Variants in TNPO1 observed in about 807,000 individuals in gnomAD.
The protein encoded by TNPO1 is transportin-1.
TNPO1 carries 8 observed loss-of-function variants against 119.5 expected under a neutral mutation model. The observed-to-expected ratio is 0.07, with a 90% CI of 0.04 to 0.12. TNPO1 has a LOEUF of 0.12. TNPO1 is among the 10% of genes least tolerant of loss of function. The probability of loss-of-function intolerance (pLI) is 1.00; values close to 1 mark genes in which losing one functional copy is unlikely to be tolerated. For synonymous variants in TNPO1, 362 were observed against 363.0 expected, an observed-to-expected ratio of 1.00 and a Z score of 0.03; for missense variants, 576 against 1,089.8, an observed-to-expected ratio of 0.53 and a Z score of 6.64.
At chr5:72,867,954 G>A (rs981249494) in intron 6 of TNPO1, among the ~76,000 whole-genome samples, 22 of 152,124 alleles carry the variant, frequency 1.4e-4, no homozygotes, top group African/African-American at 5.3e-4. Flanking sequence ...CATTAATGAT[G>A]TTGAAGATCT....
chr5:72,820,037 G>T lies in TNPO1; in HGVS notation c.15+3285G>T, dbSNP rs116105531. 1.9e-3 allele frequency among the ~76,000 whole-genome samples: 283 copies of T among 152,098 alleles called. 3 individuals are homozygous for T. The highest frequency in any genetic ancestry group is 6.5e-3 in the African/African-American group (271 of 41,488). ...TAGTAACTACTGTAAGCCCTTTTGCGCATTTCCTTCCAATGTTTTTTTCTG... is the reference window on the plus strand; with the variant it reads ...TAGTAACTACTGTAAGCCCTTTTGCTCATTTCCTTCCAATGTTTTTTTCTG... On this transcript the variant is annotated intron_variant, in intron 1 of 24. Transcript: ENST00000337273.
chr5:72,818,732 T>A lies in TNPO1; in HGVS notation c.15+1980T>A, dbSNP rs556718532. Among the ~76,000 whole-genome samples, 6 of 152,344 alleles carry A rather than the reference T, an allele frequency of 3.9e-5. No individual in the cohort carries two copies. The South Asian group carries it at 1.0e-3, about 26-fold the overall frequency. On this transcript the variant is annotated intron_variant, in intron 1 of 24. Coordinates refer to ENST00000337273, the MANE Select transcript of TNPO1 (RefSeq NM_002270.4). ...TGAATACATATTGGTGCTAAAAAGA[T>A]ATCTTCCCCCCTCAAAACAGTTTGG...
chr5:72,870,158 C>CT (rs200118076), intron 6 of TNPO1, among the ~76,000 whole-genome samples: 14,738 of 105,790 alleles, frequency 0.14, 1,892 homozygotes, highest in East Asian at 0.33. Context: ...ATACTAATTG[C>CT]TTTTTTTTTT....
chr5:72,848,197 G>A, intron 1 of TNPO1, 188 bp from the exon 2 acceptor site: 3 of 1,241,444 alleles, frequency 2.4e-6, no homozygotes, highest in East Asian at 3.5e-5. Context: ...GGGCTGCCAG[G>A]AGCAGTTCCG....
intron 1 of TNPO1, among the ~76,000 whole-genome samples, chr5:72,842,995 G>A (rs1744980681): frequency 6.6e-6 from 1 of 152,120 alleles, no homozygotes; most frequent in African/African-American, 2.4e-5. Flanking sequence ...TCCTAACTGG[G>A]TTAGCATAAT....
At chr5:72,895,464 G>A (rs1749363214) in intron 18 of TNPO1, among the ~76,000 whole-genome samples, 1 of 151,566 alleles carries the variant, frequency 6.6e-6, no homozygotes, top group Non-Finnish European at 1.5e-5. Context: ...GAGACATTTT[G>A]TTTGATGCTG....
chr5:72,876,439 T>G (rs1747779477), intron 8 of TNPO1, among the ~76,000 whole-genome samples: 1 of 152,212 alleles, frequency 6.6e-6, no homozygotes, highest in Non-Finnish European at 1.5e-5. Context: ...GAGAAATCTA[T>G]TTTGTTGAGA....
intron 21 of TNPO1, 110 bp from the exon 22 acceptor site, chr5:72,900,864 T>TATA (rs1489971494): frequency 3.4e-6 from 2 of 591,730 alleles, no homozygotes; most frequent in Non-Finnish European, 5.3e-6. Context: ...ACTCTTTTAA[T>TATA]ATAATCATTA....
intron 1 of TNPO1, 111 bp from the exon 2 acceptor site, chr5:72,848,274 T>C (rs1006274280): frequency 6.8e-6 from 9 of 1,327,408 alleles, no homozygotes; most frequent in Non-Finnish European, 8.8e-6. Flanking sequence ...TGGGGAGCGC[T>C]GGGGTTGTGG....
chr5:72,829,766 T>G (rs2112185266), intron 1 of TNPO1, among the ~76,000 whole-genome samples: 1 of 152,304 alleles, frequency 6.6e-6, no homozygotes, highest in East Asian at 1.9e-4. Flanking sequence ...ATGCAGAGAA[T>G]TGAGACAAGA....
Position 72,875,837 on chromosome 5 carries a change from G to T in TNPO1, c.801+100G>T, listed in dbSNP as rs537832398. On this transcript the variant is annotated intron_variant, in intron 8 of 24. Coordinates refer to ENST00000337273, the MANE Select transcript of TNPO1 (RefSeq NM_002270.4). ...CGGATGGGAAGGGGACTATAAAATA[G>T]TTATAATTGTCTTAAAATTATAAGT... is the stretch of plus-strand genomic sequence containing the variant. 1.0e-4 allele frequency: 133 copies of T among 1,321,114 alleles called. No individual in the cohort carries two copies. In the African/African-American group the frequency reaches 1.6e-3, roughly 16 times the overall value. 81.8% of individuals were successfully genotyped at this position (1,321,114 alleles called of 1,614,324 possible).
chr5:72,896,597 C>T (rs771916914), intron 19 of TNPO1, 41 bp downstream of exon 19: 42 of 1,514,386 alleles, frequency 2.8e-5, no homozygotes, highest in African/African-American at 7.0e-5. Context: ...AGGCCTGGCG[C>T]GGTGGCTCAC....
rs1201217584 is a variant in TNPO1, at chr5:72,893,170, C to G, written c.1820C>G (p.Ser607Cys). 1 of 1,614,108 alleles carries G rather than the reference C, an allele frequency of 6.2e-7. No individual in the cohort carries two copies. The highest frequency in any genetic ancestry group is 8.5e-7 in the Non-Finnish European group (1 of 1,179,976). The change falls in exon 16 of 25, where the codon TCT becomes TGT. Residue 607 changes from serine (S) to cysteine (C), a missense_variant. Transcript: ENST00000337273. Reference protein sequence around the residue: ...CLSSVATALQSGFLPYCEPVY... With the variant: ...CLSSVATALQCGFLPYCEPVY... ...TCTTCAGTTGCCACAGCACTGCAGTCTGGATTCCTTCCGTACTGTGAACCT... is the reference window on the plus strand; with the variant it reads ...TCTTCAGTTGCCACAGCACTGCAGTGTGGATTCCTTCCGTACTGTGAACCT...
At chr5:72,836,306 T>C (rs1744691446) in intron 1 of TNPO1, among the ~76,000 whole-genome samples, 1 of 152,162 alleles carries the variant, frequency 6.6e-6, no homozygotes, top group Non-Finnish European at 1.5e-5. Flanking sequence ...TTCTTTCAAA[T>C]CTAGGTGAGG....
chr5:72,818,763 C>A (rs1743812889), intron 1 of TNPO1, among the ~76,000 whole-genome samples: 1 of 147,236 alleles, frequency 6.8e-6, no homozygotes, highest in African/African-American at 2.5e-5. Flanking sequence ...TTTGGTTTAC[C>A]AGCAAAAGGA....
At chr5:72,849,244 T>G (rs1026672640) in intron 2 of TNPO1, among the ~76,000 whole-genome samples, 1 of 152,152 alleles carries the variant, frequency 6.6e-6, no homozygotes, top group Non-Finnish European at 1.5e-5. Context: ...GCTACGGTTT[T>G]AGAGACAGGA....
intron 1 of TNPO1, among the ~76,000 whole-genome samples, chr5:72,834,503 A>C (rs573964344): frequency 2.0e-5 from 3 of 152,336 alleles, no homozygotes; most frequent in African/African-American, 7.2e-5. Flanking sequence ...TCGTGTCTTC[A>C]TTTTTAACAA....
At chr5:72,832,653 T>A (rs1744525578) in intron 1 of TNPO1, among the ~76,000 whole-genome samples, 1 of 152,154 alleles carries the variant, frequency 6.6e-6, no homozygotes, top group Non-Finnish European at 1.5e-5. Flanking sequence ...CTACATCTTC[T>A]CCTGTTGTAA....
At chr5:72,863,932 T>C (rs1486554725) in intron 5 of TNPO1, among the ~76,000 whole-genome samples, 1 of 152,204 alleles carries the variant, frequency 6.6e-6, no homozygotes, top group Admixed American at 6.5e-5. Flanking sequence ...GCAGTAATTG[T>C]GAAATTGTTG....
Sources: gnomAD v4.1 joint callset for allele counts (sites outside exome capture counted in the v4.1 genomes callset) on GRCh38, gnomAD v4.1.1 for gene constraint, MANE v1.5 for transcripts, NCBI Gene and HGNC (gene_info 2026-07-23, HGNC 2026-07-21) for gene names.